TOP6BL: variants seen among roughly 807,000 people sequenced by gnomAD.
TOP6BL encodes the protein type 2 DNA topoisomerase 6 subunit B-like.
At chr11:66,814,342 T>G in the TOP6BL span, among the ~76,000 whole-genome samples, 1 of 152,148 alleles carries the variant, frequency 6.6e-6, no homozygotes, top group Non-Finnish European at 1.5e-5. Context: ...GGCTGCAACC[T>G]CCGCCTCCCG....
the TOP6BL span, among the ~76,000 whole-genome samples, chr11:66,750,846 T>A: frequency 6.6e-6 from 1 of 151,312 alleles, no homozygotes; most frequent in Non-Finnish European, 1.5e-5. Flanking sequence ...ACTACAGGCA[T>A]GTGCTACCAT....
chr11:66,818,628 G>A, the TOP6BL span, among the ~76,000 whole-genome samples: 5 of 152,058 alleles, frequency 3.3e-5, no homozygotes, highest in African/African-American at 9.7e-5. Context: ...AGTATGTCAC[G>A]TAAATCTGAG....
At chr11:66,759,646 C>T in the TOP6BL span, among the ~76,000 whole-genome samples, 593 of 152,180 alleles carry the variant, frequency 3.9e-3, 2 homozygotes, top group African/African-American at 0.013. Flanking sequence ...TGCAGTGGTG[C>T]GATCTTGGCT....
the TOP6BL span, among the ~76,000 whole-genome samples, chr11:66,831,733 C>T: frequency 8.0e-3 from 1,218 of 152,110 alleles, 20 homozygotes; most frequent in African/African-American, 0.027. Flanking sequence ...CGGTGGCTCA[C>T]GCCTGTAATC....
the TOP6BL span, among the ~76,000 whole-genome samples, chr11:66,786,668 A>G: frequency 6.6e-6 from 1 of 152,220 alleles, no homozygotes; most frequent in South Asian, 2.1e-4. Flanking sequence ...TCAAACTGAA[A>G]TAGGATTCAG....
At chr11:66,819,669 A>G in the TOP6BL span, among the ~76,000 whole-genome samples, 1 of 152,070 alleles carries the variant, frequency 6.6e-6, no homozygotes, top group Non-Finnish European at 1.5e-5. Context: ...TGGGAGGCCG[A>G]GGCGGGCGGA....
chr11:66,763,979 A>G, the TOP6BL span, among the ~76,000 whole-genome samples: 1 of 152,172 alleles, frequency 6.6e-6, no homozygotes, highest in African/African-American at 2.4e-5. Context: ...ATTAATCACA[A>G]TGATAATTTA....
At chr11:66,772,045 G>A in the TOP6BL span, among the ~76,000 whole-genome samples, 2 of 152,114 alleles carry the variant, frequency 1.3e-5, no homozygotes, top group East Asian at 1.9e-4. Context: ...AAGAGCATTC[G>A]TCATTCATAG....
At chr11:66,834,542 A>G in the TOP6BL span, among the ~76,000 whole-genome samples, 1 of 152,196 alleles carries the variant, frequency 6.6e-6, no homozygotes, top group Non-Finnish European at 1.5e-5. Flanking sequence ...AGAATAGCTG[A>G]CCTCTTGAGT....
At chr11:66,744,922 G>A in the TOP6BL span, 6 of 1,256,754 alleles carry the variant, frequency 4.8e-6, no homozygotes, top group Non-Finnish European at 6.0e-6. Flanking sequence ...TGTTCGAGGT[G>A]ATGCTGGGAA....
the TOP6BL span, among the ~76,000 whole-genome samples, chr11:66,790,822 C>G: frequency 6.6e-6 from 1 of 152,084 alleles, no homozygotes; most frequent in East Asian, 1.9e-4. Flanking sequence ...ATTGCTTAGG[C>G]TAGTTATCTG....
At chr11:66,800,417 G>A in the TOP6BL span, among the ~76,000 whole-genome samples, 1 of 152,132 alleles carries the variant, frequency 6.6e-6, no homozygotes, top group African/African-American at 2.4e-5. Context: ...AGTAAGTTAT[G>A]TGATAGATGT....
chr11:66,818,394 CT>C, the TOP6BL span, among the ~76,000 whole-genome samples: 1 of 152,084 alleles, frequency 6.6e-6, no homozygotes, highest in Non-Finnish European at 1.5e-5. Flanking sequence ...AGCTAATGGT[CT>C]TTGGTGTACC....
chr11:66,812,768 C>G, the TOP6BL span, among the ~76,000 whole-genome samples: 20 of 152,236 alleles, frequency 1.3e-4, no homozygotes, highest in South Asian at 2.1e-3. Flanking sequence ...GTAATTTTGT[C>G]CTTAAAGGAC....
chr11:66,752,280 T>C, the TOP6BL span, among the ~76,000 whole-genome samples: 1 of 152,080 alleles, frequency 6.6e-6, no homozygotes, highest in Non-Finnish European at 1.5e-5. Flanking sequence ...TATACCTAAT[T>C]GATAGTTTGG....
At chr11:66,760,403 C>T in the TOP6BL span, among the ~76,000 whole-genome samples, 2 of 149,594 alleles carry the variant, frequency 1.3e-5, no homozygotes, top group African/African-American at 4.9e-5. Flanking sequence ...GAGCCAAGAT[C>T]ATACCATTGC....
chr11:66,822,612 A>T, the TOP6BL span: 3 of 1,553,222 alleles, frequency 1.9e-6, no homozygotes, highest in Non-Finnish European at 1.7e-6. Flanking sequence ...GAACTCCATC[A>T]TGAGTATTCT....
At chr11:66,776,836 C>G in the TOP6BL span, among the ~76,000 whole-genome samples, 803 of 152,046 alleles carry the variant, frequency 5.3e-3, 16 homozygotes, top group East Asian at 0.069. Flanking sequence ...GACCACTTGA[C>G]TCTGGTAGTA....
At chr11:66,804,187 T>C in the TOP6BL span, 2 of 1,597,098 alleles carry the variant, frequency 1.3e-6, no homozygotes, top group African/African-American at 2.7e-5. Flanking sequence ...TTTCTTCAGT[T>C]TCCATATCCT....
Sources: gnomAD v4.1 joint callset for allele counts (sites outside exome capture counted in the v4.1 genomes callset) on GRCh38, gnomAD v4.1.1 for gene constraint, MANE v1.5 for transcripts, NCBI Gene and HGNC (gene_info 2026-07-23, HGNC 2026-07-21) for gene names.